SRGAP3: variants seen among roughly 807,000 people sequenced by gnomAD.
SRGAP3 encodes SLIT-ROBO Rho GTPase activating protein 3, also known as SLIT-ROBO Rho GTPase-activating protein 3.
In SRGAP3, 39 loss-of-function variants were observed where a neutral mutation model predicts 121.1. The ratio of observed to expected loss-of-function variants is 0.32; its 90% confidence interval spans 0.25 to 0.42. The LOEUF (loss-of-function observed/expected upper bound fraction) is 0.42, where lower values mean the gene tolerates loss of function less well. SRGAP3 is among the 10% of genes least tolerant of loss of function. SRGAP3 has a pLI of 1.00. For missense variants in SRGAP3, 1,213 were observed against 1,470.6 expected, an observed-to-expected ratio of 0.82 and a Z score of 2.86; for synonymous variants, 601 against 570.0, an observed-to-expected ratio of 1.05 and a Z score of -0.77.
intron 1 of SRGAP3, among the ~76,000 whole-genome samples, chr3:9,146,213 T>A (rs985389557): frequency 6.6e-6 from 1 of 152,140 alleles, no homozygotes; most frequent in African/African-American, 2.4e-5. Flanking sequence ...GACTGACAAA[T>A]CCTGGTTTGC....
chr3:9,238,637 G>A (rs1953506384), intron 1 of SRGAP3, among the ~76,000 whole-genome samples: 1 of 152,212 alleles, frequency 6.6e-6, no homozygotes, highest in South Asian at 2.1e-4. Flanking sequence ...CGGGGAGGGA[G>A]ATGATGAGGC....
intron 14 of SRGAP3, among the ~76,000 whole-genome samples, chr3:9,023,738 G>A (rs1944043507): frequency 6.6e-6 from 1 of 152,164 alleles, no homozygotes; most frequent in Non-Finnish European, 1.5e-5. Context: ...TTTAGTGAAT[G>A]AATACATGAC....
intron 3 of SRGAP3, among the ~76,000 whole-genome samples, chr3:9,279,964 T>A (rs1006273245): frequency 2.0e-5 from 3 of 152,150 alleles, no homozygotes; most frequent in African/African-American, 7.2e-5. Flanking sequence ...TGAGATATGG[T>A]TAAGCCCATA....
At position 9,286,986 on chromosome 3, in the gene SRGAP3, C is replaced by CTTTTTTTTTTT. The variant is rs36096507; in HGVS notation, n.442+39013_442+39023dup. 1.3e-4 allele frequency among the ~76,000 whole-genome samples: 10 copies of CTTTTTTTTTTT among 79,122 alleles called. 2 individuals carry two copies. Among genetic ancestry groups the CTTTTTTTTTTT allele is most frequent in the Admixed American group, 3.9e-4 (2 of 5,106 alleles). 51.9% of individuals were successfully genotyped at this position (79,122 alleles called of 152,430 possible). ...TTTGCCTTGTCCACACACTGACACT[C>CTTTTTTTTTTT]TTTTTTTTTTTTTTTTTTTTTTTGG... On this transcript the variant is annotated intron_variant and non_coding_transcript_variant, in intron 3 of 3. Transcript: ENST00000490889.
Position 9,053,081 on chromosome 3 carries a change from G to C in SRGAP3, c.1269C>G (p.Ile423Met). Residue 423 changes from isoleucine (I) to methionine (M), a missense_variant, in exon 9 of 22, where the codon ATC becomes ATG. Ile to Met is a conservative substitution (Grantham distance 10). This residue lies in a region of SRGAP3 where 793 missense variants were observed against 1,032.9 expected (regional missense o/e 0.77). Transcript: ENST00000383836. Reference protein sequence around the residue: ...SAASETYMSKINIAKRRANQQ... With the variant: ...SAASETYMSKMNIAKRRANQQ... ...GGTTGGCTCTCCTCTTGGCAATGTT[G>C]ATCTTGCTCATGTAGGTCTCAGAGG... The C allele has an allele frequency of 6.2e-7, 1 of 1,614,138 alleles. No homozygotes were observed. Among genetic ancestry groups the C allele is most frequent in the Non-Finnish European group, 8.5e-7 (1 of 1,180,018 alleles).
intron 3 of SRGAP3, among the ~76,000 whole-genome samples, chr3:9,103,014 A>AT (rs1198991750): frequency 2.6e-5 from 4 of 151,580 alleles, no homozygotes; most frequent in Non-Finnish European, 4.4e-5. Flanking sequence ...GCACTGTGTA[A>AT]TTTTTTTTTC....
chr3:8,991,535 G>A (rs1942056718), intron 20 of SRGAP3, among the ~76,000 whole-genome samples: 1 of 152,218 alleles, frequency 6.6e-6, no homozygotes, highest in Non-Finnish European at 1.5e-5. Context: ...CTTGCCCTGT[G>A]TCTGCCGCGT....
rs188541680 is a variant in SRGAP3, at chr3:9,307,705, A to C, written n.442+18305T>G. On this transcript the variant is annotated intron_variant and non_coding_transcript_variant, in intron 3 of 3. Transcript: ENST00000490889. ...CAGATGGCATCTTTGGCAAAATAGG[A>C]ATAGATTCCAGACAGAGAAAGGAAA... 2.6e-5 allele frequency among the ~76,000 whole-genome samples: 4 copies of C among 152,362 alleles called. No homozygotes were observed. The East Asian group carries it at 7.7e-4, about 29-fold the overall frequency.
At chr3:9,118,699 C>CA (rs1311052742) in intron 2 of SRGAP3, among the ~76,000 whole-genome samples, 1 of 152,106 alleles carries the variant, frequency 6.6e-6, no homozygotes, top group African/African-American at 2.4e-5. Context: ...AGGCCCCCCC[C>CA]CCAAGAAGTT....
intron 1 of SRGAP3, among the ~76,000 whole-genome samples, chr3:9,128,558 A>C (rs560006556): frequency 1.3e-5 from 2 of 152,350 alleles, no homozygotes; most frequent in South Asian, 4.1e-4. Flanking sequence ...CCAATGTATT[A>C]TGGTATTTAT....
chr3:9,288,884 T>C (rs71314336), intron 3 of SRGAP3, among the ~76,000 whole-genome samples: 1 of 148,868 alleles, frequency 6.7e-6, no homozygotes, highest in Admixed American at 6.7e-5. Context: ...CCACACATTG[T>C]CATTTTTCCA....
At chr3:9,143,207 C>A (rs1294153287) in intron 1 of SRGAP3, among the ~76,000 whole-genome samples, 1 of 152,144 alleles carries the variant, frequency 6.6e-6, no homozygotes, top group African/African-American at 2.4e-5. Flanking sequence ...GCTCAACAGT[C>A]CCATAGGAAT....
At chr3:9,168,378 C>T (rs75976391) in intron 1 of SRGAP3, among the ~76,000 whole-genome samples, 9,373 of 152,280 alleles carry the variant, frequency 0.062, 429 homozygotes, top group Middle Eastern at 0.095. Context: ...TGGTCAGAAG[C>T]AACCCCACCC....
intron 1 of SRGAP3, among the ~76,000 whole-genome samples, chr3:9,199,474 T>A (rs1228777096): frequency 6.6e-6 from 1 of 152,246 alleles, no homozygotes; most frequent in Non-Finnish European, 1.5e-5. Flanking sequence ...CTTTGTTTTT[T>A]TCTTTGTTCA....
At chr3:9,049,333 C>T (rs572777916) in intron 9 of SRGAP3, 2 of 453,062 alleles carry the variant, frequency 4.4e-6, no homozygotes, top group Non-Finnish European at 8.9e-6. Context: ...TGGTCCTAGG[C>T]TCCCAGGACC....
At chr3:9,328,063 A>T (rs538929304) in intron 2 of SRGAP3, among the ~76,000 whole-genome samples, 1 of 152,348 alleles carries the variant, frequency 6.6e-6, no homozygotes, top group African/African-American at 2.4e-5. Flanking sequence ...TAAAGCATTT[A>T]AAAAACCTAA....
chr3:9,056,008 T>C (rs755964773), intron 8 of SRGAP3, among the ~76,000 whole-genome samples: 8 of 152,326 alleles, frequency 5.3e-5, no homozygotes, highest in Non-Finnish European at 8.8e-5. Context: ...CAAGCAATTC[T>C]CTTACCTCAG....
chr3:9,221,122 T>C (rs951667428), intron 1 of SRGAP3, among the ~76,000 whole-genome samples: 1 of 152,168 alleles, frequency 6.6e-6, no homozygotes, highest in Non-Finnish European at 1.5e-5. Context: ...GCACTGCCCC[T>C]TCCCCCAGGA....
chr3:9,324,176 G>A (rs755467083), intron 3 of SRGAP3, among the ~76,000 whole-genome samples: 23 of 151,842 alleles, frequency 1.5e-4, no homozygotes, highest in African/African-American at 3.1e-4. Flanking sequence ...TGTTTCAGGC[G>A]CATACTACTA....
Sources: gnomAD v4.1 joint callset for allele counts (sites outside exome capture counted in the v4.1 genomes callset) on GRCh38, gnomAD v4.1.1 for gene constraint, gnomAD v4.1.1 regional missense constraint, MANE v1.5 for transcripts, NCBI Gene and HGNC (gene_info 2026-07-23, HGNC 2026-07-21) for gene names.